The following AKAP8 variants were observed in gnomAD, a reference collection of about 807,000 sequenced individuals.
The protein encoded by AKAP8 is A-kinase anchoring protein 8.
Under a neutral mutation model 67.5 loss-of-function variants are expected in AKAP8, and 24 were observed. The ratio of observed to expected loss-of-function variants is 0.36; its 90% CI spans 0.26 to 0.50. The LOEUF (loss-of-function observed/expected upper bound fraction) is 0.50, where lower values mean the gene tolerates loss of function less well. AKAP8 is among the 20% of genes least tolerant of loss of function. The probability of loss-of-function intolerance (pLI) is 0.97; values close to 1 mark genes in which losing one functional copy is unlikely to be tolerated. For synonymous variants in AKAP8, 400 were observed against 371.1 expected (o/e 1.08, Z -0.90); for missense variants, 971 against 955.9 (o/e 1.02, Z -0.21).
chr19:15,366,568 G>A (rs1174612944), intron 9 of AKAP8, among the ~76,000 whole-genome samples: 2 of 149,318 alleles, frequency 1.3e-5, no homozygotes, highest in Non-Finnish European at 3.0e-5. Flanking sequence ...GTCTTGCTCC[G>A]TCGCCCACGC....
chr19:15,353,582 C>A lies in AKAP8; in HGVS notation c.*1333G>T, dbSNP rs183550320. On this transcript the variant is annotated 3_prime_UTR_variant, in exon 14 of 14. Transcript: ENST00000269701. Reference sequence around the variant, plus strand: ...TAATGTTGACTTTTTCATAAATATTCACCTGGAATCTCCACTAAGGCTCCT... The same window carrying A: ...TAATGTTGACTTTTTCATAAATATTAACCTGGAATCTCCACTAAGGCTCCT... 2 of 152,152 alleles carry A rather than the reference C, an allele frequency of 1.3e-5. No individual in the cohort carries two copies. The highest frequency in any genetic ancestry group is 2.9e-5 in the Non-Finnish European group (2 of 68,004). 9.4% of individuals were successfully genotyped at this position (152,152 alleles called of 1,614,324 possible).
chr19:15,357,195 G>A (rs558688314), intron 13 of AKAP8, among the ~76,000 whole-genome samples: 119 of 151,068 alleles, frequency 7.9e-4, no homozygotes, highest in African/African-American at 2.8e-3. Flanking sequence ...TCCTGACCTC[G>A]TGATGCACCC....
intron 7 of AKAP8, among the ~76,000 whole-genome samples, chr19:15,371,673 G>A (rs1024240381): frequency 2.0e-5 from 3 of 152,026 alleles, no homozygotes; most frequent in Admixed American, 6.5e-5. Context: ...ATTTTTAATC[G>A]AGACGGGGTT....
In AKAP8 at chr19:15,374,491, A is replaced by G. The variant is rs530883914; in HGVS notation, c.91+112T>C. 2.7e-4 allele frequency: 350 copies of G among 1,315,720 alleles called. No individual in the cohort carries two copies. In the African/African-American group the frequency reaches 4.8e-3, roughly 18 times the overall value. The allele number at this position is 1,315,720 out of a possible 1,614,324, so 81.5% of individuals were successfully genotyped here. ...AGCAGCCGTGGCTGACTGCGTCCTC[A>G]GGAACAGAGCCAGAAAGTCCACGCC... On this transcript the variant is annotated intron_variant, in intron 3 of 13. Coordinates refer to ENST00000269701, the MANE Select transcript of AKAP8 (RefSeq NM_005858.4).
chr19:15,371,491 CTT>C (rs969928262), intron 7 of AKAP8, among the ~76,000 whole-genome samples: 17 of 144,064 alleles, frequency 1.2e-4, no homozygotes, highest in African/African-American at 2.0e-4. Flanking sequence ...AAGTTGAAAA[CTT>C]TTTTTTTTTT....
At chr19:15,370,531 TAG>T (rs2145079521) in intron 7 of AKAP8, among the ~76,000 whole-genome samples, 1 of 152,090 alleles carries the variant, frequency 6.6e-6, no homozygotes, top group East Asian at 1.9e-4. Flanking sequence ...CGTAGGGAGA[TAG>T]AGTCTCACTT....
intron 13 of AKAP8, among the ~76,000 whole-genome samples, chr19:15,356,093 T>C (rs1217754087): frequency 6.6e-6 from 1 of 151,960 alleles, no homozygotes; most frequent in Non-Finnish European, 1.5e-5. Context: ...CAGCCTTAAC[T>C]TGATGTTTTT....
chr19:15,368,980 G>A (rs1967112513), intron 8 of AKAP8: 33 of 986,010 alleles, frequency 3.3e-5, no homozygotes, highest in Non-Finnish European at 3.9e-5. Context: ...GGAGCTCCTC[G>A]GAGAGCCACG....
At chr19:15,356,709 T>C (rs1467813525) in intron 13 of AKAP8, among the ~76,000 whole-genome samples, 8 of 151,468 alleles carry the variant, frequency 5.3e-5, no homozygotes, top group African/African-American at 1.9e-4. Context: ...TTAGGAAACA[T>C]GTTTTAAAAT....
At chr19:15,374,147 G>A (rs556967863) in intron 3 of AKAP8, 82 bp from the exon 4 acceptor site, 34 of 1,462,470 alleles carry the variant, frequency 2.3e-5, no homozygotes, top group South Asian at 2.1e-4. Flanking sequence ...AGGGGCACCC[G>A]CTGCCACGGA....
chr19:15,368,516 G>C (rs780719297), intron 8 of AKAP8, 194 bp from the exon 9 acceptor site: 4 of 985,282 alleles, frequency 4.1e-6, no homozygotes, highest in East Asian at 1.1e-4. Flanking sequence ...GTGAGAGCCC[G>C]GAGTAGTCAC....
In AKAP8 at chr19:15,358,818, T is replaced by C. The variant is rs78660465; in HGVS notation, c.1623+149A>G. 4.2e-3 allele frequency: 3,057 copies of C among 724,270 alleles called. 67 individuals are homozygous for C. In the African/African-American group the frequency reaches 0.05, roughly 12 times the overall value. The allele number at this position is 724,270 out of a possible 1,614,324, so 44.9% of individuals were successfully genotyped here. A position where few individuals can be genotyped will look rare whatever the true frequency, so the allele number is the denominator to read the frequency against. On this transcript the variant is annotated intron_variant, in intron 13 of 13. Transcript: ENST00000269701. The stretch of plus-strand genomic sequence containing the variant: ...GACTCATTAGAAATCCCAGTTGTCA[T>C]GTTCCTGAGCTTGATGCATTCCAGT...
At chr19:15,364,709 G>A (rs1253933105) in intron 9 of AKAP8, among the ~76,000 whole-genome samples, 2 of 150,936 alleles carry the variant, frequency 1.3e-5, no homozygotes, top group Non-Finnish European at 2.9e-5. Context: ...GGCTGGTCTC[G>A]AACTCCTGAC....
Position 15,360,990 on chromosome 19 carries a change from C to A in AKAP8, c.1397-12G>T. On this transcript the variant is annotated splice_polypyrimidine_tract_variant and intron_variant, in intron 11 of 13. Transcript: ENST00000269701. ...CTCCTGGCCAATCCCTGCCAGGAAA[C>A]GCATGTCTTGTAGGATCTGGGACAG... The A allele has an allele frequency of 2.5e-6, 4 of 1,611,494 alleles. No individual in the cohort carries two copies. In the South Asian group the frequency reaches 4.4e-5, roughly 18 times the overall value.
At chr19:15,355,499 G>C in intron 13 of AKAP8, 129 bp from the exon 14 acceptor site, 1 of 845,050 alleles carries the variant, frequency 1.2e-6, no homozygotes, top group Non-Finnish European at 1.8e-6. Flanking sequence ...TGCCACAGGA[G>C]TGAATCCTAC....
At chr19:15,378,023 T>C (rs1246214387) in intron 1 of AKAP8, among the ~76,000 whole-genome samples, 1 of 152,132 alleles carries the variant, frequency 6.6e-6, no homozygotes, top group East Asian at 1.9e-4. Flanking sequence ...GGCAGGAACA[T>C]ATCCATGTCT....
At chr19:15,379,576 C>T (rs1317223711) in intron 1 of AKAP8, 137 bp downstream of exon 1, 7 of 990,352 alleles carry the variant, frequency 7.1e-6, no homozygotes, top group Middle Eastern at 3.1e-4. Context: ...CGCGCGCGCC[C>T]TGGCCGCCTC....
chr19:15,373,651 A>C (rs1967201660), intron 4 of AKAP8, 135 bp downstream of exon 4: 1 of 1,159,960 alleles, frequency 8.6e-7, no homozygotes, highest in East Asian at 2.6e-5. Context: ...CTGACCCCCC[A>C]CGAGCCCAAC....
At chr19:15,358,680 C>T (rs1966916854) in intron 13 of AKAP8, among the ~76,000 whole-genome samples, 1 of 152,090 alleles carries the variant, frequency 6.6e-6, no homozygotes, top group South Asian at 2.1e-4. Flanking sequence ...ATCACCTAAC[C>T]ATCATTTGCT....
Sources: allele counts gnomAD v4.1 joint callset (sites outside exome capture counted in the v4.1 genomes callset), GRCh38; gene constraint gnomAD v4.1.1; transcripts MANE v1.5; gene names NCBI Gene and HGNC (gene_info 2026-07-23, HGNC 2026-07-21).